Variants in IFIH1 observed in about 807,000 individuals in gnomAD.
IFIH1 encodes the protein interferon-induced helicase C domain-containing protein 1.
Under a neutral mutation model 107.4 loss-of-function variants are expected in IFIH1, and 125 were observed. The observed-to-expected ratio is 1.16, with a 90% confidence interval of 1.01 to 1.35. The LOEUF (loss-of-function observed/expected upper bound fraction) is 1.35. IFIH1 is among the 40% of genes most tolerant of loss of function. The pLI is 0.00. For synonymous variants in IFIH1, 458 were observed against 413.2 expected (o/e 1.11, Z -1.31); for missense variants, 1,333 against 1,213.7 (o/e 1.10, Z -1.46).
intron 12 of IFIH1, among the ~76,000 whole-genome samples, chr2:162,272,830 A>G (rs987312861): frequency 5.3e-5 from 8 of 152,144 alleles, no homozygotes; most frequent in Non-Finnish European, 1.2e-4. Context: ...ATCCTACATT[A>G]CATTCTTAGC....
chr2:162,290,769 C>T (rs932351816), intron 4 of IFIH1, among the ~76,000 whole-genome samples: 9 of 151,902 alleles, frequency 5.9e-5, no homozygotes, highest in African/African-American at 2.2e-4. Flanking sequence ...AGTGTGGATA[C>T]AGGAAAAAAT....
chr2:162,311,129 C>T (rs911090258), intron 1 of IFIH1, among the ~76,000 whole-genome samples, 196 bp from the exon 2 acceptor site: 1 of 152,058 alleles, frequency 6.6e-6, no homozygotes. Flanking sequence ...GGGACAACAA[C>T]AACAACAACA....
At chr2:162,271,238 A>C (rs946598490) in intron 13 of IFIH1, among the ~76,000 whole-genome samples, 1 of 152,112 alleles carries the variant, frequency 6.6e-6, no homozygotes, top group Non-Finnish European at 1.5e-5. Flanking sequence ...GACCTTCCTC[A>C]ACCACCCAGT....
At chr2:162,304,312 A>C (rs1683242746) in intron 3 of IFIH1, among the ~76,000 whole-genome samples, 1 of 152,154 alleles carries the variant, frequency 6.6e-6, no homozygotes. Context: ...AAATACAAAA[A>C]TTAGCTGGGT....
At chr2:162,293,816 T>A (rs1683041112) in intron 3 of IFIH1, 148 bp from the exon 4 acceptor site, 1 of 540,702 alleles carries the variant, frequency 1.8e-6, no homozygotes, top group African/African-American at 1.9e-5. Context: ...GGTAAGCGCT[T>A]CTGGCAGGCT....
chr2:162,288,894 A>G (rs1228721387), intron 4 of IFIH1, among the ~76,000 whole-genome samples: 1 of 149,654 alleles, frequency 6.7e-6, no homozygotes, highest in Non-Finnish European at 1.5e-5. Flanking sequence ...TAGAAACTTT[A>G]TCTGACAACC....
Position 162,317,929 on chromosome 2 carries a change from C to T in IFIH1, c.379G>A (p.Asp127Asn), listed in dbSNP as rs745423005. 12 of 1,613,832 alleles carry T rather than the reference C, an allele frequency of 7.4e-6. No homozygotes were observed. The highest frequency in any genetic ancestry group is 1.0e-5 in the Non-Finnish European group (12 of 1,179,912). ...LLNLLQPTLV[D>N]KLLVRDVLDK... ...AAGACGTCTCTAACTAGAAGCTTGT[C>T]CACCAGAGTGGGCTGAAGGAGGTTC... The change falls in exon 1 of 16, where the codon GAC becomes AAC. Residue 127 changes from aspartate to asparagine, a missense_variant. Physicochemically the swap from Asp to Asn is conservative, Grantham distance 23. Transcript: ENST00000649979.
chr2:162,302,828 C>T (rs1019764752), intron 3 of IFIH1, among the ~76,000 whole-genome samples: 5 of 152,158 alleles, frequency 3.3e-5, no homozygotes, highest in African/African-American at 9.7e-5. Context: ...TTTGCTAGTG[C>T]TCTGGAAAGG....
intron 4 of IFIH1, among the ~76,000 whole-genome samples, chr2:162,289,366 G>C (rs963245205): frequency 4.0e-5 from 6 of 151,246 alleles, no homozygotes; most frequent in Non-Finnish European, 7.4e-5. Context: ...TGACCATATT[G>C]ACCTATATTA....
chr2:162,283,764 T>G (rs573025731), intron 5 of IFIH1, among the ~76,000 whole-genome samples: 5 of 152,084 alleles, frequency 3.3e-5, no homozygotes, highest in African/African-American at 1.2e-4. Context: ...TGAAGAACAC[T>G]GGTTTACTTT....
Position 162,317,962 on chromosome 2 carries a change from G to T in IFIH1, c.346C>A (p.Gln116Lys), listed in dbSNP as rs774468416. 6.2e-6 allele frequency: 10 copies of T among 1,614,078 alleles called. No individual in the cohort carries two copies. The African/African-American group carries it at 1.3e-4, about 22-fold the overall frequency. The part of the protein sequence containing the change: ...SFENAHDEYL[Q>K]LLNLLQPTLV... Reference sequence around the variant, plus strand: ...GTGGGCTGAAGGAGGTTCAGCAGTTGGAGATATTCATCATGAGCGTTCTCA... The same window carrying T: ...GTGGGCTGAAGGAGGTTCAGCAGTTTGAGATATTCATCATGAGCGTTCTCA... The change falls in exon 1 of 16, where the codon CAA becomes AAA. Residue 116 changes from glutamine to lysine, a missense_variant. Gln to Lys is a moderately conservative substitution (Grantham distance 53, BLOSUM62 1). Coordinates refer to ENST00000649979, the MANE Select transcript of IFIH1 (RefSeq NM_022168.4).
rs939982743 is a variant in IFIH1, at chr2:162,295,796, T to C, written c.770-2128A>G. On this transcript the variant is annotated intron_variant, in intron 3 of 15. Transcript: ENST00000649979. ...CAGAGGCGAATGTGGGATAGAACTG[T>C]CAAGTAGAAGAGCGTTTTGGGCAGA... 6.6e-5 allele frequency among the ~76,000 whole-genome samples: 10 copies of C among 151,870 alleles called. 1 individual carries two copies. Among genetic ancestry groups the C allele is most frequent in the African/African-American group, 1.9e-4 (8 of 41,382 alleles).
At chr2:162,315,333 A>AC (rs1683468941) in intron 1 of IFIH1, among the ~76,000 whole-genome samples, 1 of 152,162 alleles carries the variant, frequency 6.6e-6, no homozygotes. Context: ...CTAAACACCA[A>AC]CCCTCTACCT....
At chr2:162,268,663 C>T (rs1278780131) in intron 13 of IFIH1, among the ~76,000 whole-genome samples, 2 of 151,978 alleles carry the variant, frequency 1.3e-5, no homozygotes. Context: ...TATCTCGGGT[C>T]ACTGCAACCT....
chr2:162,310,994 G>A, intron 1 of IFIH1, 61 bp from the exon 2 acceptor site: 4 of 1,298,390 alleles, frequency 3.1e-6, no homozygotes, highest in South Asian at 1.3e-5. Context: ...ACCTTAAACA[G>A]GAAATACCCT....
At chr2:162,272,648 C>G (rs1002815014) in intron 12 of IFIH1, among the ~76,000 whole-genome samples, 9 of 152,122 alleles carry the variant, frequency 5.9e-5, no homozygotes, top group Non-Finnish European at 2.9e-5. Flanking sequence ...TAATATCATC[C>G]TGTCCAGGCT....
Position 162,278,336 on chromosome 2 carries a change from T to C in IFIH1, c.1642-8A>G, listed in dbSNP as rs772580594. Reference sequence around the variant, plus strand: ...TTTCTCTTTAAATGGATCCTAAAAATAAAGTACACACTTATTCTTATGTAT... The same window carrying C: ...TTTCTCTTTAAATGGATCCTAAAAACAAAGTACACACTTATTCTTATGTAT... On this transcript the variant is annotated splice_polypyrimidine_tract_variant and splice_region_variant and intron_variant, in intron 8 of 15. Transcript: ENST00000649979. 3.3e-5 allele frequency: 41 copies of C among 1,253,436 alleles called. No homozygotes were observed. Among genetic ancestry groups the C allele is most frequent in the Middle Eastern group, 2.6e-4 (1 of 3,886 alleles). 77.6% of individuals were successfully genotyped at this position (1,253,436 alleles called of 1,614,324 possible).
At chr2:162,280,936 C>A (rs1027412943) in intron 7 of IFIH1, among the ~76,000 whole-genome samples, 24 of 152,084 alleles carry the variant, frequency 1.6e-4, no homozygotes, top group African/African-American at 5.1e-4. Flanking sequence ...ATATGAAGGA[C>A]AGAAAATACG....
intron 4 of IFIH1, 50 bp from the exon 5 acceptor site, chr2:162,288,405 A>C (rs764267746): frequency 5.7e-6 from 8 of 1,394,760 alleles, no homozygotes; most frequent in Middle Eastern, 1.8e-4. Context: ...AAAATAACAG[A>C]GCTTAGGAAG....
Sources: gnomAD v4.1 joint callset for allele counts (sites outside exome capture counted in the v4.1 genomes callset) on GRCh38, gnomAD v4.1.1 for gene constraint, MANE v1.5 for transcripts, NCBI Gene and HGNC (gene_info 2026-07-23, HGNC 2026-07-21) for gene names.